Variants in BICD1 observed in about 807,000 individuals in gnomAD.
The protein encoded by BICD1 is BICD cargo adaptor 1.
A neutral mutation model predicts 92.5 loss-of-function variants in BICD1; 35 were observed. That is an observed-to-expected ratio of 0.38 (90% CI 0.29 to 0.50). The LOEUF is 0.50. BICD1 is among the 20% of genes least tolerant of loss of function. The pLI is 0.93. For synonymous variants in BICD1, 429 were observed against 465.1 expected, an observed-to-expected ratio of 0.92 and a Z score of 1.00; for missense variants, 950 against 1,189.8, an observed-to-expected ratio of 0.80 and a Z score of 2.97.
intron 1 of BICD1, among the ~76,000 whole-genome samples, chr12:32,142,453 C>CCTATCTATCTATCTATCTATCTATCTAT (rs71065001): frequency 3.7e-4 from 42 of 112,894 alleles, no homozygotes; most frequent in South Asian, 9.4e-4. Flanking sequence ...ACCTATCTAT[C>CCTATCTATCTATCTATCTATCTATCTAT]CTATCTATCT....
chr12:32,146,555 C>A (rs1414506588), intron 1 of BICD1, among the ~76,000 whole-genome samples: 3 of 152,008 alleles, frequency 2.0e-5, no homozygotes, highest in Non-Finnish European at 4.4e-5. Context: ...GGTTTCAAAT[C>A]ATTGTATTTA....
chr12:32,265,886 A>G (rs535796882), intron 2 of BICD1, among the ~76,000 whole-genome samples: 4 of 152,328 alleles, frequency 2.6e-5, no homozygotes, highest in African/African-American at 7.2e-5. Flanking sequence ...AGAGAATTCT[A>G]AAGTATAAAG....
At chr12:32,195,567 G>A (rs1358947393) in intron 1 of BICD1, among the ~76,000 whole-genome samples, 1 of 152,144 alleles carries the variant, frequency 6.6e-6, no homozygotes, top group Non-Finnish European at 1.5e-5. Flanking sequence ...TGGAAAAACT[G>A]GATATCTATA....
chr12:32,149,705 A>G (rs1489746055), intron 1 of BICD1, among the ~76,000 whole-genome samples: 1 of 152,116 alleles, frequency 6.6e-6, no homozygotes, highest in African/African-American at 2.4e-5. Context: ...AGTTCTGGAG[A>G]CTGGGAAGTC....
intron 2 of BICD1, among the ~76,000 whole-genome samples, chr12:32,223,068 C>T (rs1945581797): frequency 6.6e-6 from 1 of 152,246 alleles, no homozygotes; most frequent in Non-Finnish European, 1.5e-5. Context: ...TCTGCTGGAT[C>T]ACTTGCTGCA....
intron 1 of BICD1, among the ~76,000 whole-genome samples, chr12:32,207,743 ACC>A (rs1565587791): frequency 9.8e-5 from 15 of 152,342 alleles, no homozygotes; most frequent in African/African-American, 3.4e-4. Flanking sequence ...AAAAGCTGCA[ACC>A]TTTGCTAATA....
At position 32,216,231 on chromosome 12, in the gene BICD1, C is replaced by G. The variant is rs779371448; in HGVS notation, c.214-16C>G. On this transcript the variant is annotated splice_polypyrimidine_tract_variant and intron_variant, in intron 1 of 9. Coordinates refer to ENST00000652176, the MANE Select transcript of BICD1 (RefSeq NM_001714.4). ...CATTTCATTGTGTACTCTTTTTCTT[C>G]CCATATACTCTGCAGGCATTTGGGC... is the stretch of plus-strand genomic sequence containing the variant. 2.9e-5 allele frequency: 47 copies of G among 1,609,814 alleles called. No homozygotes were observed. The highest frequency in any genetic ancestry group is 3.9e-5 in the Non-Finnish European group (46 of 1,178,370).
intron 1 of BICD1, among the ~76,000 whole-genome samples, chr12:32,115,093 G>C (rs1381986532): frequency 6.6e-6 from 1 of 152,110 alleles, no homozygotes. Flanking sequence ...CTGGCCTCAA[G>C]CGATTCTCCC....
chr12:32,182,783 T>C (rs1173311435), intron 1 of BICD1, among the ~76,000 whole-genome samples: 1 of 151,716 alleles, frequency 6.6e-6, no homozygotes, highest in Non-Finnish European at 1.5e-5. Flanking sequence ...AAAAGAAAAT[T>C]AAAAGCATTG....
intron 1 of BICD1, among the ~76,000 whole-genome samples, chr12:32,125,557 C>T (rs771343386): frequency 6.6e-6 from 1 of 152,124 alleles, no homozygotes; most frequent in African/African-American, 2.4e-5. Context: ...TGTTTTAAAG[C>T]GGATTTTTGA....
At chr12:32,120,817 A>T (rs1218054665) in intron 1 of BICD1, among the ~76,000 whole-genome samples, 1 of 150,442 alleles carries the variant, frequency 6.6e-6, no homozygotes, top group African/African-American at 2.4e-5. Context: ...GTGTGCTTAG[A>T]TTCTTTAAGC....
At chr12:32,261,256 T>TG (rs1413137017) in intron 2 of BICD1, among the ~76,000 whole-genome samples, 3 of 152,240 alleles carry the variant, frequency 2.0e-5, no homozygotes, top group African/African-American at 7.2e-5. Context: ...TTCTCCTAGA[T>TG]GCACAGACGA....
At chr12:32,252,062 TA>T (rs1592558289) in intron 2 of BICD1, among the ~76,000 whole-genome samples, 29 of 44,146 alleles carry the variant, frequency 6.6e-4, no homozygotes, top group African/African-American at 3.2e-3. Flanking sequence ...TATTATATAT[TA>T]TATATTTATA....
At position 32,356,287 on chromosome 12, in the gene BICD1, G is replaced by A. The variant is rs191052359; in HGVS notation, c.2765-11383G>A. ...AACTGGTATCTAAAAGAGAGACAGA[G>A]ATCTTTCTGATGGACTCTAAATTTC... On this transcript the variant is annotated intron_variant, in intron 8 of 9. Coordinates refer to ENST00000652176, the MANE Select transcript of BICD1 (RefSeq NM_001714.4). 1.7e-3 allele frequency among the ~76,000 whole-genome samples: 252 copies of A among 152,332 alleles called. 2 individuals carry two copies. The highest frequency in any genetic ancestry group is 5.7e-3 in the African/African-American group (239 of 41,568).
intron 2 of BICD1, among the ~76,000 whole-genome samples, chr12:32,217,306 A>G (rs1386463203): frequency 6.6e-6 from 1 of 152,234 alleles, no homozygotes; most frequent in Non-Finnish European, 1.5e-5. Flanking sequence ...TCACTAGTTG[A>G]GCATTTTAGT....
chr12:32,236,940 T>A (rs900589167), intron 2 of BICD1, among the ~76,000 whole-genome samples: 3 of 139,734 alleles, frequency 2.1e-5, no homozygotes, highest in South Asian at 2.6e-4. Context: ...ATTGGCACAA[T>A]CTCGGCTCAC....
In BICD1 at chr12:32,107,092, T is replaced by C; in HGVS notation, c.-240T>C. 1.9e-6 allele frequency: 1 copy of C among 513,438 alleles called. No homozygotes were observed. Among genetic ancestry groups the C allele is most frequent in the Non-Finnish European group, 3.5e-6 (1 of 286,352 alleles). The allele number at this position is 513,438 out of a possible 1,614,324, so 31.8% of individuals were successfully genotyped here. A position where few individuals can be genotyped will look rare whatever the true frequency, so the allele number is the denominator to read the frequency against. ...GGCCCCGAGGACACATGCGGCGGCC[T>C]TTGCCGCCTCGCCCCTGACCCTCTG... On this transcript the variant is annotated 5_prime_UTR_variant, in exon 1 of 10. Transcript: ENST00000652176.
intron 1 of BICD1, among the ~76,000 whole-genome samples, chr12:32,166,982 A>G (rs942492651): frequency 6.6e-6 from 1 of 152,226 alleles, no homozygotes; most frequent in African/African-American, 2.4e-5. Flanking sequence ...GAAAAGATAC[A>G]CACACAATGT....
intron 2 of BICD1, among the ~76,000 whole-genome samples, chr12:32,287,233 G>A (rs1239402): frequency 0.51 from 77,543 of 151,978 alleles, 20,398 homozygotes; most frequent in Middle Eastern, 0.64. Context: ...TTTGAATGTA[G>A]ACAACAAATC....
Sources: allele counts gnomAD v4.1 joint callset (sites outside exome capture counted in the v4.1 genomes callset), GRCh38; gene constraint gnomAD v4.1.1; transcripts MANE v1.5; gene names NCBI Gene and HGNC (gene_info 2026-07-23, HGNC 2026-07-21).